The following S100A2 variants were observed in gnomAD, a reference collection of about 807,000 sequenced individuals.
The protein encoded by S100A2 is protein S100-A2.
Under a neutral mutation model 4.3 loss-of-function variants are expected in S100A2, and 5 were observed. The observed-to-expected ratio is 1.16, with a 90% CI of 0.61 to 2.44. The LOEUF is 2.44. Among genes scored for constraint, S100A2 ranks in the 30% most tolerant of loss-of-function variants. The pLI, the probability that S100A2 is intolerant of heterozygous loss-of-function variation, is 0.01. For synonymous variants in S100A2, 44 were observed against 46.0 expected, an observed-to-expected ratio of 0.96 and a Z score of 0.17; for missense variants, 103 against 114.7, an observed-to-expected ratio of 0.90 and a Z score of 0.47.
At chr1:153,564,641 T>C (rs1665968448) in intron 1 of S100A2, among the ~76,000 whole-genome samples, 1 of 152,016 alleles carries the variant, frequency 6.6e-6, no homozygotes, top group Non-Finnish European at 1.5e-5. Context: ...GCAAGGCCTC[T>C]GAGAATACTC....
In S100A2 at chr1:153,563,852, G is replaced by T. The variant is rs575985349; in HGVS notation, c.26C>A (p.Ala9Glu). 10 of 1,614,066 alleles carry T rather than the reference G, an allele frequency of 6.2e-6. No homozygotes were observed. In the East Asian group the frequency reaches 2.0e-4, roughly 32 times the overall value. MMCSSLEQ[A>E]LAVLVTTFHK... ...GAAGGTAGTGACCAGCACAGCCAGC[G>T]CCTGCTCCAGAGAACTGCACATCAT... The change falls in exon 2 of 3, where the codon GCG (alanine) becomes GAG (glutamate). Residue 9 changes from alanine (A) to glutamate (E), a missense_variant. Coordinates refer to ENST00000368708, the MANE Select transcript of S100A2 (RefSeq NM_005978.4).
intron 2 of S100A2, 179 bp downstream of exon 2, chr1:153,563,555 A>C: frequency 6.4e-7 from 1 of 1,551,592 alleles, no homozygotes; most frequent in East Asian, 2.4e-5. Flanking sequence ...AACAGCCATT[A>C]ATTAAGCACT....
At chr1:153,562,266 A>G (rs1213577744) in intron 2 of S100A2, among the ~76,000 whole-genome samples, 1 of 152,018 alleles carries the variant, frequency 6.6e-6, no homozygotes, top group Non-Finnish European at 1.5e-5. Context: ...CAATCCACCC[A>G]AGTAGCTGGG....
intron 2 of S100A2, among the ~76,000 whole-genome samples, chr1:153,562,181 G>A (rs754394842): frequency 6.6e-6 from 1 of 151,996 alleles, no homozygotes; most frequent in Non-Finnish European, 1.5e-5. Context: ...GGCTGGTCTT[G>A]GCAACCAGAG....
intron 2 of S100A2, among the ~76,000 whole-genome samples, chr1:153,563,019 A>C (rs568243309): frequency 5.7e-4 from 87 of 151,350 alleles, no homozygotes; most frequent in Non-Finnish European, 1.2e-3. Context: ...CACGCCTGTA[A>C]GCCCAGCACT....
rs534850595 is a variant in S100A2, at chr1:153,563,657, C to T, written c.144+77G>A. 4.4e-6 allele frequency: 7 copies of T among 1,587,494 alleles called. No individual in the cohort carries two copies. The East Asian group carries it at 1.1e-4, about 26-fold the overall frequency. On this transcript the variant is annotated intron_variant, in intron 2 of 2. Transcript: ENST00000368708. Reference sequence around the variant, plus strand: ...ACCCTGGCACCTGCATCGACAGGCACCCGGAACTGGGGGAGAGATTTAACC... The same window carrying T: ...ACCCTGGCACCTGCATCGACAGGCATCCGGAACTGGGGGAGAGATTTAACC...
intron 2 of S100A2, among the ~76,000 whole-genome samples, chr1:153,562,593 T>C (rs1665917477): frequency 6.6e-6 from 1 of 152,060 alleles, no homozygotes. Flanking sequence ...ATAGGGAGGG[T>C]GAGGGACAAA....
chr1:153,562,645 A>G (rs747159173), intron 2 of S100A2, among the ~76,000 whole-genome samples: 2 of 152,210 alleles, frequency 1.3e-5, no homozygotes, highest in South Asian at 2.1e-4. Flanking sequence ...CCCAGACTAT[A>G]TATCTTAGCT....
chr1:153,563,503 G>A (rs771437803), intron 2 of S100A2: 24 of 1,550,692 alleles, frequency 1.5e-5, no homozygotes, highest in Admixed American at 3.9e-5. Context: ...AGATGGACTC[G>A]GAAGGCCCTC....
At chr1:153,561,705 A>T (rs1000831248) in intron 2 of S100A2, 114 bp from the exon 3 acceptor site, 3 of 1,489,812 alleles carry the variant, frequency 2.0e-6, no homozygotes, top group Admixed American at 1.7e-5. Context: ...CCCACTGGGC[A>T]GCTGGGTATA....
intron 2 of S100A2, chr1:153,563,463 T>C: frequency 1.3e-6 from 2 of 1,550,382 alleles, no homozygotes; most frequent in South Asian, 2.4e-5. Flanking sequence ...TGGGCTCTGG[T>C]TTCTCAAGTC....
In S100A2 at chr1:153,561,432, T is replaced by G. The variant is rs767762109; in HGVS notation, c.*7A>C. 1.2e-6 allele frequency: 2 copies of G among 1,608,580 alleles called. No individual in the cohort carries two copies. The highest frequency in any genetic ancestry group is 3.3e-5 in the Admixed American group (2 of 59,752). On this transcript the variant is annotated 3_prime_UTR_variant, in exon 3 of 3. Coordinates refer to ENST00000368708, the MANE Select transcript of S100A2 (RefSeq NM_005978.4). ...GAGATCCATGGCAGGAAGTCAAGAG[T>G]TCTGCTTCAGGGTCGGTCTGGGCAG...
chr1:153,564,213 C>T (rs1375075276), intron 1 of S100A2: 2 of 239,834 alleles, frequency 8.3e-6, no homozygotes, highest in Non-Finnish European at 1.6e-5. Flanking sequence ...GACCAGAGTC[C>T]CATTTTGATG....
intron 2 of S100A2, among the ~76,000 whole-genome samples, chr1:153,562,187 C>A (rs1336604294): frequency 1.3e-5 from 2 of 152,072 alleles, no homozygotes; most frequent in Non-Finnish European, 2.9e-5. Context: ...TCTTGGCAAC[C>A]AGAGTGATCT....
chr1:153,563,377 A>G (rs1665936265), intron 2 of S100A2: 6 of 1,529,024 alleles, frequency 3.9e-6, no homozygotes, highest in Admixed American at 4.4e-5. Context: ...CATCTCAAAA[A>G]AAAAAAAAAG....
chr1:153,561,641 C>T (rs200906237), intron 2 of S100A2, 50 bp from the exon 3 acceptor site: 14 of 1,612,846 alleles, frequency 8.7e-6, no homozygotes, highest in Admixed American at 6.7e-5. Context: ...CCAACCCCAG[C>T]TCCACCAAAC....
rs61731553 is a variant in S100A2, at chr1:153,561,532, G to A, written c.204C>T (p.Asp68=). The change falls in exon 3 of 3, where the codon GAC becomes GAT. Residue 68 remains aspartate, a synonymous_variant. Transcript: ENST00000368708. ...CATACTCCTGGAAGTCCACCTGCTG[G>A]TCACTGTTCTCATCCAGGCTGCCCA... ...KLMGSLDENS[D]QQVDFQEYAV... 146 of 1,614,038 alleles carry A rather than the reference G, an allele frequency of 9.0e-5. 1 individual carries two copies. The highest frequency in any genetic ancestry group is 1.2e-4 in the Non-Finnish European group (139 of 1,180,032).
At position 153,561,113 on chromosome 1, in the gene S100A2, C is replaced by T; in HGVS notation, c.*326G>A. On this transcript the variant is annotated 3_prime_UTR_variant, in exon 3 of 3. Coordinates refer to ENST00000368708, the MANE Select transcript of S100A2 (RefSeq NM_005978.4). The stretch of plus-strand genomic sequence containing the variant: ...GATAGTGATGGTGGATGGTATTTGC[C>T]TTTTTTAATATCTTTATTTGACAAA... 9.5e-6 allele frequency: 2 copies of T among 209,544 alleles called. No homozygotes were observed. The highest frequency in any genetic ancestry group is 5.8e-5 in the Admixed American group (1 of 17,206). The allele number at this position is 209,544 out of a possible 1,614,324, so 13.0% of individuals were successfully genotyped here. A position where few individuals can be genotyped will look rare whatever the true frequency, so the allele number is the denominator to read the frequency against.
intron 1 of S100A2, among the ~76,000 whole-genome samples, chr1:153,564,550 C>T (rs1028331772): frequency 6.6e-6 from 1 of 152,140 alleles, no homozygotes; most frequent in East Asian, 1.9e-4. Flanking sequence ...ATTCTCTCCA[C>T]CAGGAAGGAT....
Sources: allele counts gnomAD v4.1 joint callset (sites outside exome capture counted in the v4.1 genomes callset), GRCh38; gene constraint gnomAD v4.1.1; transcripts MANE v1.5; gene names NCBI Gene and HGNC (gene_info 2026-07-23, HGNC 2026-07-21).